CDH19: variants seen among roughly 807,000 people sequenced by gnomAD.
The protein encoded by CDH19 is cadherin-19.
A neutral mutation model predicts 64.2 loss-of-function variants in CDH19; 67 were observed. That is an observed-to-expected ratio of 1.04 (90% CI 0.86 to 1.28). The LOEUF is 1.28. CDH19 is among the 50% of genes most tolerant of loss of function. CDH19 has a pLI of 0.00. For synonymous variants in CDH19, 346 were observed against 319.3 expected (o/e 1.08, Z -0.89); for missense variants, 1,030 against 929.0 (o/e 1.11, Z -1.41).
chr18:66,574,995 T>C (rs754778469), intron 1 of CDH19, among the ~76,000 whole-genome samples: 4 of 151,806 alleles, frequency 2.6e-5, no homozygotes, highest in Non-Finnish European at 4.4e-5. Context: ...CTGTCAGGTA[T>C]TGGAACAGCT....
intron 9 of CDH19, among the ~76,000 whole-genome samples, chr18:66,514,004 A>C (rs1051404924): frequency 6.6e-6 from 1 of 151,418 alleles, no homozygotes; most frequent in Non-Finnish European, 1.5e-5. Context: ...ATTTAATAAG[A>C]ACTTACCTAT....
chr18:66,523,986 C>T (rs762713717), intron 9 of CDH19, among the ~76,000 whole-genome samples: 1 of 151,884 alleles, frequency 6.6e-6, no homozygotes, highest in Non-Finnish European at 1.5e-5. Flanking sequence ...CATGAATGTG[C>T]GCCACGAAGC....
At chr18:66,584,555 C>T (rs1988520213) in intron 1 of CDH19, among the ~76,000 whole-genome samples, 1 of 152,044 alleles carries the variant, frequency 6.6e-6, no homozygotes, top group Admixed American at 6.6e-5. Context: ...ATGACACATG[C>T]ATTTTCACTC....
intron 1 of CDH19, among the ~76,000 whole-genome samples, chr18:66,598,274 C>T (rs1344677227): frequency 6.6e-6 from 1 of 152,072 alleles, no homozygotes; most frequent in Non-Finnish European, 1.5e-5. Context: ...CCACTCAACT[C>T]GGCAACCCTA....
chr18:66,507,466 G>A (rs962828498), intron 11 of CDH19, among the ~76,000 whole-genome samples: 2 of 151,644 alleles, frequency 1.3e-5, no homozygotes, highest in Non-Finnish European at 2.9e-5. Context: ...TTTTGAGGGA[G>A]GCAAGAGCAG....
intron 1 of CDH19, among the ~76,000 whole-genome samples, chr18:66,581,399 A>C (rs550753164): frequency 6.6e-6 from 1 of 152,076 alleles, no homozygotes; most frequent in Non-Finnish European, 1.5e-5. Flanking sequence ...GAATCCCTAG[A>C]TAGCTGGTTA....
At position 66,544,701 on chromosome 18, in the gene CDH19, T is replaced by G; in HGVS notation, c.960+18A>C. ...ATTTTGCGCTATTCTGCAAGGCAAA[T>G]AATTTTAACATGTCTACCTTTTTTA... is the stretch of plus-strand genomic sequence containing the variant. On this transcript the variant is annotated intron_variant, in intron 6 of 11. Coordinates refer to ENST00000262150, the MANE Select transcript of CDH19 (RefSeq NM_021153.4). 1 of 1,556,226 alleles carries G rather than the reference T, an allele frequency of 6.4e-7. No individual in the cohort carries two copies. Among genetic ancestry groups the G allele is most frequent in the Non-Finnish European group, 8.8e-7 (1 of 1,140,374 alleles).
chr18:66,535,489 T>C (rs1986626443), intron 7 of CDH19, among the ~76,000 whole-genome samples: 2 of 151,148 alleles, frequency 1.3e-5, no homozygotes, highest in African/African-American at 4.8e-5. Flanking sequence ...TTAACAAATG[T>C]TTTTGTTTGT....
intron 5 of CDH19, among the ~76,000 whole-genome samples, chr18:66,549,667 G>A (rs1987266346): frequency 6.6e-6 from 1 of 152,096 alleles, no homozygotes; most frequent in South Asian, 2.1e-4. Flanking sequence ...TTGTGAGATA[G>A]AGCAGAAATT....
chr18:66,520,688 G>T (rs1985946001), intron 9 of CDH19, among the ~76,000 whole-genome samples: 1 of 151,770 alleles, frequency 6.6e-6, no homozygotes, highest in Non-Finnish European at 1.5e-5. Context: ...CAAATTTCAT[G>T]GACAACCTTA....
chr18:66,509,330 G>A (rs1985358136), intron 10 of CDH19, 84 bp from the exon 11 acceptor site: 2 of 1,172,384 alleles, frequency 1.7e-6, no homozygotes, highest in Non-Finnish European at 2.4e-6. Flanking sequence ...AGGGACAATA[G>A]TATAGAGATA....
At chr18:66,518,731 G>A (rs909590285) in intron 9 of CDH19, among the ~76,000 whole-genome samples, 9 of 152,006 alleles carry the variant, frequency 5.9e-5, no homozygotes, top group Non-Finnish European at 1.2e-4. Context: ...GAAACTCAAC[G>A]ATACAAATCT....
chr18:66,510,364 C>T (rs1985414368), intron 10 of CDH19, among the ~76,000 whole-genome samples: 2 of 150,484 alleles, frequency 1.3e-5, no homozygotes, highest in South Asian at 2.1e-4. Flanking sequence ...TAAACCAAAT[C>T]AATTTTGTAT....
At chr18:66,595,329 A>T (rs1451755489) in intron 1 of CDH19, among the ~76,000 whole-genome samples, 1 of 151,814 alleles carries the variant, frequency 6.6e-6, no homozygotes, top group Non-Finnish European at 1.5e-5. Context: ...AACATAAAAA[A>T]TAGCTAGCTG....
chr18:66,561,042 T>TAAA (rs1438154467), intron 3 of CDH19, among the ~76,000 whole-genome samples: 12 of 152,116 alleles, frequency 7.9e-5, no homozygotes, highest in Non-Finnish European at 1.8e-4. Flanking sequence ...TTTAATGAGT[T>TAAA]TCTTAGTTTA....
Position 66,502,784 on chromosome 18 carries a change from C to T in CDH19, c.*2028G>A, listed in dbSNP as rs1225225134. 3.3e-5 allele frequency: 5 copies of T among 151,746 alleles called. No individual in the cohort carries two copies. Among genetic ancestry groups the T allele is most frequent in the Admixed American group, 2.6e-4 (4 of 15,204 alleles). The allele number at this position is 151,746 out of a possible 1,614,324, so 9.4% of individuals were successfully genotyped here. ...CTCTTTCCTAATAATGGTATCATTG[C>T]GTTAAGGATTGACTACATCTTATGT... On this transcript the variant is annotated 3_prime_UTR_variant, in exon 12 of 12. Coordinates refer to ENST00000262150, the MANE Select transcript of CDH19 (RefSeq NM_021153.4).
At chr18:66,582,835 C>G (rs1405246077) in intron 1 of CDH19, among the ~76,000 whole-genome samples, 3 of 151,912 alleles carry the variant, frequency 2.0e-5, no homozygotes, top group Non-Finnish European at 4.4e-5. Context: ...TATTCAGGAG[C>G]AGTGGTAGAG....
intron 8 of CDH19, among the ~76,000 whole-genome samples, chr18:66,531,788 A>G (rs1164342180): frequency 6.6e-6 from 1 of 152,162 alleles, no homozygotes; most frequent in Non-Finnish European, 1.5e-5. Context: ...GTTAAGATTA[A>G]ACATATACAT....
At chr18:66,595,822 C>T (rs962688470) in intron 1 of CDH19, among the ~76,000 whole-genome samples, 13 of 152,074 alleles carry the variant, frequency 8.5e-5, no homozygotes, top group South Asian at 6.2e-4. Context: ...TCTATAAGGC[C>T]GGCATCATTC....
Sources: gnomAD v4.1 joint callset for allele counts (sites outside exome capture counted in the v4.1 genomes callset) on GRCh38, gnomAD v4.1.1 for gene constraint, MANE v1.5 for transcripts, NCBI Gene and HGNC (gene_info 2026-07-23, HGNC 2026-07-21) for gene names.